The following LAMA2 variants were observed in gnomAD, a reference collection of about 807,000 sequenced individuals.
LAMA2 encodes laminin subunit alpha 2.
A neutral mutation model predicts 364.8 loss-of-function variants in LAMA2; 269 were observed. The observed-to-expected ratio is 0.74, with a 90% confidence interval of 0.67 to 0.82. The LOEUF is 0.82. LAMA2 is among the 40% of genes least tolerant of loss of function. The pLI is 0.00. For missense variants in LAMA2, 3,807 were observed against 3,873.2 expected (o/e 0.98, Z 0.45); for synonymous variants, 1,379 against 1,370.6 (o/e 1.01, Z -0.14).
intron 47 of LAMA2, among the ~76,000 whole-genome samples, chr6:129,454,856 G>A (rs1782873223): frequency 6.6e-6 from 1 of 152,038 alleles, no homozygotes; most frequent in African/African-American, 2.4e-5. Context: ...CCTGTCTTCA[G>A]CACTTCCCTC....
At chr6:129,297,010 A>T (rs1773226334) in intron 20 of LAMA2, among the ~76,000 whole-genome samples, 1 of 152,202 alleles carries the variant, frequency 6.6e-6, no homozygotes, top group Non-Finnish European at 1.5e-5. Context: ...CTCATCAGAG[A>T]ATGAAAGTTT....
intron 12 of LAMA2, among the ~76,000 whole-genome samples, chr6:129,241,510 C>G (rs1785393945): frequency 6.6e-6 from 1 of 152,130 alleles, no homozygotes; most frequent in Non-Finnish European, 1.5e-5. Context: ...CTCATTTCAT[C>G]CTAAGAGCAA....
At chr6:129,194,888 A>T (rs1323327040) in intron 12 of LAMA2, among the ~76,000 whole-genome samples, 1 of 152,222 alleles carries the variant, frequency 6.6e-6, no homozygotes, top group Non-Finnish European at 1.5e-5. Context: ...AAGGAAGTGG[A>T]AAATTGTAGG....
intron 40 of LAMA2, among the ~76,000 whole-genome samples, chr6:129,417,850 C>T (rs961268230): frequency 1.3e-5 from 2 of 152,180 alleles, no homozygotes; most frequent in Admixed American, 1.3e-4. Flanking sequence ...CTCAGCTTTG[C>T]TCTGAAATCA....
At chr6:129,508,289 T>C (rs1786271603) in intron 62 of LAMA2, among the ~76,000 whole-genome samples, 1 of 152,232 alleles carries the variant, frequency 6.6e-6, no homozygotes. Context: ...ACCTGAGATA[T>C]TTTGATGTAG....
intron 40 of LAMA2, among the ~76,000 whole-genome samples, chr6:129,404,733 A>G (rs1780157558): frequency 6.6e-6 from 1 of 152,186 alleles, no homozygotes; most frequent in South Asian, 2.1e-4. Flanking sequence ...ACACATGAGA[A>G]TTTTTTGGGG....
intron 2 of LAMA2, among the ~76,000 whole-genome samples, chr6:129,057,593 A>T (rs1260902520): frequency 1.3e-5 from 2 of 152,220 alleles, no homozygotes; most frequent in Admixed American, 1.3e-4. Flanking sequence ...TCTGAAAATT[A>T]TGAATCTGGA....
At chr6:128,923,493 A>G (rs910676275) in intron 1 of LAMA2, among the ~76,000 whole-genome samples, 2 of 151,558 alleles carry the variant, frequency 1.3e-5, no homozygotes, top group African/African-American at 4.8e-5. Context: ...GTTTGTGGTC[A>G]TTTATTATGG....
At chr6:129,011,258 A>G (rs1204876901) in intron 1 of LAMA2, among the ~76,000 whole-genome samples, 2 of 152,188 alleles carry the variant, frequency 1.3e-5, no homozygotes. Context: ...AGCTACTAAG[A>G]CACACAGGAG....
intron 1 of LAMA2, among the ~76,000 whole-genome samples, chr6:129,033,986 G>A (rs575070157): frequency 3.3e-5 from 5 of 151,554 alleles, no homozygotes; most frequent in South Asian, 2.1e-4. Flanking sequence ...AAAGCAGTTC[G>A]TGGACTCTAA....
At chr6:128,898,440 C>T (rs1776896798) in intron 1 of LAMA2, among the ~76,000 whole-genome samples, 1 of 152,206 alleles carries the variant, frequency 6.6e-6, no homozygotes, top group South Asian at 2.1e-4. Context: ...TCAAATTTGA[C>T]ATCTAGAAGT....
chr6:129,124,171 G>A (rs1328098442), intron 4 of LAMA2, among the ~76,000 whole-genome samples: 1 of 152,098 alleles, frequency 6.6e-6, no homozygotes, highest in Non-Finnish European at 1.5e-5. Flanking sequence ...TTGGTTAATA[G>A]TTGAGATCTA....
At chr6:129,225,495 A>T (rs1406896001) in intron 12 of LAMA2, among the ~76,000 whole-genome samples, 3 of 152,256 alleles carry the variant, frequency 2.0e-5, no homozygotes, top group Middle Eastern at 3.4e-3. Context: ...CCCTCTACAC[A>T]CTGCTTTAAA....
At chr6:128,980,723 C>T (rs1003011937) in intron 1 of LAMA2, among the ~76,000 whole-genome samples, 1 of 152,008 alleles carries the variant, frequency 6.6e-6, no homozygotes, top group Non-Finnish European at 1.5e-5. Context: ...ATATTTCCTC[C>T]ACAAAGACTT....
intron 49 of LAMA2, among the ~76,000 whole-genome samples, chr6:129,462,255 T>C: frequency 6.6e-6 from 1 of 151,166 alleles, no homozygotes; most frequent in East Asian, 1.9e-4. Flanking sequence ...CATAATCATG[T>C]TTTTTTTTCT....
At chr6:129,415,436 G>A (rs1052979332) in intron 40 of LAMA2, among the ~76,000 whole-genome samples, 11 of 151,982 alleles carry the variant, frequency 7.2e-5, no homozygotes, top group Non-Finnish European at 1.3e-4. Context: ...TACCTTACCT[G>A]TTCTTTCTGA....
At chr6:129,010,442 G>A (rs1784696598) in intron 1 of LAMA2, among the ~76,000 whole-genome samples, 1 of 152,082 alleles carries the variant, frequency 6.6e-6, no homozygotes, top group Non-Finnish European at 1.5e-5. Flanking sequence ...CACACATAGT[G>A]GATTTGAGGA....
At chr6:129,273,455 T>C (rs1405071498) in intron 17 of LAMA2, among the ~76,000 whole-genome samples, 1 of 152,198 alleles carries the variant, frequency 6.6e-6, no homozygotes, top group Non-Finnish European at 1.5e-5. Context: ...GAATTCCAGC[T>C]GAATACATAT....
intron 17 of LAMA2, among the ~76,000 whole-genome samples, chr6:129,272,743 C>G (rs1386681335): frequency 4.6e-5 from 7 of 152,134 alleles, no homozygotes; most frequent in Non-Finnish European, 7.4e-5. Context: ...GTTGGCATTA[C>G]CACCTGAGCT....
Sources: allele counts gnomAD v4.1 joint callset (sites outside exome capture counted in the v4.1 genomes callset), GRCh38; gene constraint gnomAD v4.1.1; transcripts MANE v1.5; gene names NCBI Gene and HGNC (gene_info 2026-07-23, HGNC 2026-07-21).